Variants in FRMD3 observed in about 807,000 individuals in gnomAD.
FRMD3 encodes FERM domain-containing protein 3.
FRMD3 carries 33 observed loss-of-function variants against 70.2 expected under a neutral mutation model. The observed-to-expected ratio is 0.47, with a 90% CI of 0.36 to 0.63. The LOEUF is 0.63. Among genes scored for constraint, FRMD3 ranks in the 20% least tolerant of loss-of-function variants. FRMD3 has a pLI of 0.00. For synonymous variants in FRMD3, 279 were observed against 255.9 expected (o/e 1.09, Z -0.86); for missense variants, 632 against 711.4 (o/e 0.89, Z 1.27).
chr9:83,521,698 C>G (rs571379990), intron 1 of FRMD3, among the ~76,000 whole-genome samples: 6 of 152,208 alleles, frequency 3.9e-5, no homozygotes, highest in Admixed American at 6.5e-5. Context: ...GACTCTGACC[C>G]CCACTCCACT....
At chr9:83,565,334 T>C in the FRMD3 span, among the ~76,000 whole-genome samples, 3 of 152,314 alleles carry the variant, frequency 2.0e-5, no homozygotes, top group East Asian at 3.9e-4. Flanking sequence ...AGAGTTTCTA[T>C]TGATGTGGAT....
chr9:83,366,668 A>G (rs10868001), intron 3 of FRMD3, among the ~76,000 whole-genome samples: 39,427 of 152,222 alleles, frequency 0.26, 6,378 homozygotes, highest in Non-Finnish European at 0.35. Flanking sequence ...GAAAATCACA[A>G]GCAAGTTGAA....
At chr9:83,519,571 G>A (rs549952057) in intron 1 of FRMD3, among the ~76,000 whole-genome samples, 45 of 152,314 alleles carry the variant, frequency 3.0e-4, no homozygotes, top group African/African-American at 1.0e-3. Flanking sequence ...AACCATTGTG[G>A]AAGACAGTGT....
chr9:83,584,976 C>T, the FRMD3 span, among the ~76,000 whole-genome samples: 2 of 152,216 alleles, frequency 1.3e-5, no homozygotes, highest in Non-Finnish European at 2.9e-5. Context: ...AAGAATAAAG[C>T]ATTTCAATTC....
intron 2 of FRMD3, among the ~76,000 whole-genome samples, chr9:83,382,171 A>G (rs1329040116): frequency 6.6e-6 from 1 of 152,226 alleles, no homozygotes; most frequent in Non-Finnish European, 1.5e-5. Flanking sequence ...ATTTACCACC[A>G]TGTAGCATTT....
intron 1 of FRMD3, among the ~76,000 whole-genome samples, chr9:83,412,501 C>T (rs1826307990): frequency 6.6e-6 from 1 of 152,206 alleles, no homozygotes; most frequent in Non-Finnish European, 1.5e-5. Flanking sequence ...ACTAGTAATG[C>T]ATCAAAGTCT....
intron 6 of FRMD3, among the ~76,000 whole-genome samples, chr9:83,318,918 T>C (rs1486749353): frequency 6.6e-6 from 1 of 152,204 alleles, no homozygotes; most frequent in Non-Finnish European, 1.5e-5. Flanking sequence ...AACATTTTTT[T>C]CATGTTTCTT....
intron 1 of FRMD3, among the ~76,000 whole-genome samples, chr9:83,475,908 G>C (rs1010646620): frequency 6.6e-5 from 10 of 152,102 alleles, no homozygotes; most frequent in Non-Finnish European, 1.3e-4. Context: ...TGAGTGTTAG[G>C]TCCCTTTCCT....
chr9:83,290,915 C>T (rs1834394204), intron 12 of FRMD3, among the ~76,000 whole-genome samples, 188 bp from the exon 13 acceptor site: 1 of 152,074 alleles, frequency 6.6e-6, no homozygotes, highest in African/African-American at 2.4e-5. Context: ...AAGGTCCTGA[C>T]CAAATGTCCC....
chr9:83,451,055 A>G (rs950515825), intron 1 of FRMD3, among the ~76,000 whole-genome samples: 2 of 152,230 alleles, frequency 1.3e-5, no homozygotes, highest in African/African-American at 4.8e-5. Context: ...CTAAATCACG[A>G]GCAATTTGTT....
the FRMD3 span, among the ~76,000 whole-genome samples, chr9:83,550,711 T>C: frequency 6.6e-6 from 1 of 151,570 alleles, no homozygotes; most frequent in Non-Finnish European, 1.5e-5. Flanking sequence ...TGTGTGTGTG[T>C]GTGTGTGTGT....
chr9:83,244,562 A>C (rs907900799), downstream of FRMD3: 23 of 490,812 alleles, frequency 4.7e-5, no homozygotes, highest in African/African-American at 4.8e-4. Flanking sequence ...ATCCTTTTAT[A>C]GTTTCCAACA....
chr9:83,560,544 T>A, the FRMD3 span, among the ~76,000 whole-genome samples: 1 of 151,958 alleles, frequency 6.6e-6, no homozygotes, highest in Non-Finnish European at 1.5e-5. Flanking sequence ...TTTGTGAGAG[T>A]GAGAATAAAT....
At chr9:83,543,375 C>G (rs1275167114), upstream of FRMD3, among the ~76,000 whole-genome samples, 1 of 152,000 alleles carries the variant, frequency 6.6e-6, no homozygotes, top group Non-Finnish European at 1.5e-5. Context: ...TGCTAGTTTC[C>G]AAACTGTTGA....
At chr9:83,429,215 C>T (rs1042912860) in intron 1 of FRMD3, among the ~76,000 whole-genome samples, 4 of 152,080 alleles carry the variant, frequency 2.6e-5, no homozygotes, top group African/African-American at 9.7e-5. Flanking sequence ...AGAGCTGATG[C>T]CTCCCGTCAC....
At chr9:83,385,669 T>G (rs950727989) in intron 2 of FRMD3, among the ~76,000 whole-genome samples, 1 of 152,220 alleles carries the variant, frequency 6.6e-6, no homozygotes, top group Non-Finnish European at 1.5e-5. Context: ...CTTGATTTTC[T>G]CATTTAATTA....
rs1051642127 is a variant in FRMD3, at chr9:83,245,655, A to T, written c.*2263T>A. On this transcript the variant is annotated 3_prime_UTR_variant, in exon 14 of 14. Coordinates refer to ENST00000304195, the MANE Select transcript of FRMD3 (RefSeq NM_174938.6). ...GGAAAATATATTAGTTCCATAATTT[A>T]AAAAATATTATATAATATTATTTTG... 3 of 859,574 alleles carry T rather than the reference A, an allele frequency of 3.5e-6. No individual in the cohort carries two copies. The highest frequency in any genetic ancestry group is 2.8e-6 in the Non-Finnish European group (2 of 715,274). 53.2% of individuals were successfully genotyped at this position (859,574 alleles called of 1,614,324 possible).
intron 1 of FRMD3, among the ~76,000 whole-genome samples, chr9:83,465,734 C>T (rs1828109923): frequency 6.6e-6 from 1 of 152,110 alleles, no homozygotes; most frequent in Admixed American, 6.5e-5. Context: ...GTCCGCTGCA[C>T]TGAAATTAAA....
At chr9:83,567,253 G>A in the FRMD3 span, among the ~76,000 whole-genome samples, 7 of 152,312 alleles carry the variant, frequency 4.6e-5, no homozygotes, top group Admixed American at 2.0e-4. Context: ...AGCCACAGCT[G>A]GAGCAGCTGG....
Sources: gnomAD v4.1 joint callset for allele counts (sites outside exome capture counted in the v4.1 genomes callset) on GRCh38, gnomAD v4.1.1 for gene constraint, MANE v1.5 for transcripts, NCBI Gene and HGNC (gene_info 2026-07-23, HGNC 2026-07-21) for gene names.